Variants in ELP2 observed in about 807,000 individuals in gnomAD.
The protein encoded by ELP2 is elongator complex protein 2.
A neutral mutation model predicts 119.2 loss-of-function variants in ELP2; 90 were observed. That is an observed-to-expected ratio of 0.75 (90% CI 0.64 to 0.90). The LOEUF is 0.90. ELP2 is among the 40% of genes least tolerant of loss of function. The probability of loss-of-function intolerance (pLI) is 0.00; values close to 1 mark genes in which losing one functional copy is unlikely to be tolerated. For missense variants in ELP2, 921 were observed against 967.8 expected (o/e 0.95, Z 0.64); for synonymous variants, 339 against 331.0 (o/e 1.02, Z -0.26).
intron 11 of ELP2, among the ~76,000 whole-genome samples, chr18:36,149,543 A>C (rs1168783992): frequency 8.6e-6 from 1 of 115,794 alleles, no homozygotes. Context: ...TTGTTGTTGC[A>C]GGCCTGGTCC....
At chr18:36,137,649 G>A (rs745788635) in intron 3 of ELP2, among the ~76,000 whole-genome samples, 1 of 152,088 alleles carries the variant, frequency 6.6e-6, no homozygotes, top group Admixed American at 6.6e-5. Flanking sequence ...GATTTGATAA[G>A]CCAATGGGAT....
intron 11 of ELP2, among the ~76,000 whole-genome samples, chr18:36,152,589 C>A (rs1275104324): frequency 6.6e-6 from 1 of 152,202 alleles, no homozygotes; most frequent in Non-Finnish European, 1.5e-5. Flanking sequence ...TGGGGTGTTA[C>A]ACTTGGCATT....
At chr18:36,155,655 C>G (rs2090550304) in intron 12 of ELP2, among the ~76,000 whole-genome samples, 2 of 152,268 alleles carry the variant, frequency 1.3e-5, no homozygotes, top group Non-Finnish European at 2.9e-5. Flanking sequence ...CCTCCTGCCT[C>G]AGCCTCCCAA....
chr18:36,167,021 T>C, intron 18 of ELP2, 80 bp from the exon 19 acceptor site: 1 of 1,436,314 alleles, frequency 7.0e-7, no homozygotes. Context: ...ATGGTGTATA[T>C]GGCACTTAAA....
rs149930449 is a variant in ELP2 at position 36,157,919 on chromosome 18, G to A, written c.1465-916G>A. Among the ~76,000 whole-genome samples, 83 of 152,262 alleles carry A rather than the reference G, an allele frequency of 5.5e-4. 1 individual carries two copies. The East Asian group carries it at 0.013, about 23-fold the overall frequency. ...TCTAGGAATTGAAATGGGGTTTTACGATTCCATGAGAGGCTTAGTCCCAGT... is the reference window on the plus strand; with the variant it reads ...TCTAGGAATTGAAATGGGGTTTTACAATTCCATGAGAGGCTTAGTCCCAGT... On this transcript the variant is annotated intron_variant, in intron 13 of 21. Coordinates refer to ENST00000358232, the MANE Select transcript of ELP2 (RefSeq NM_018255.4).
intron 21 of ELP2, among the ~76,000 whole-genome samples, chr18:36,173,511 T>C (rs2091143468): frequency 6.6e-6 from 1 of 152,228 alleles, no homozygotes; most frequent in African/African-American, 2.4e-5. Flanking sequence ...CAAATCATAG[T>C]CTGCATAATA....
rs181718836 is a variant in ELP2 at position 36,157,717 on chromosome 18, G to A, written c.1464+1063G>A. ...CTAAATTTCCTGGAATGTATACTCA[G>A]CACCTCATGCTACAGGCTTTCTTGA... On this transcript the variant is annotated intron_variant, in intron 13 of 21. Coordinates refer to ENST00000358232, the MANE Select transcript of ELP2 (RefSeq NM_018255.4). Among the ~76,000 whole-genome samples the A allele has an allele frequency of 2.4e-3, 361 of 152,308 alleles. 1 individual carries two copies. Among genetic ancestry groups the A allele is most frequent in the Non-Finnish European group, 3.5e-3 (237 of 68,012 alleles).
At position 36,180,502 on chromosome 18, in the gene ELP2, G is replaced by C. The variant is rs532288057; in HGVS notation, c.*5861G>C. 2 of 152,328 alleles carry C rather than the reference G, an allele frequency of 1.3e-5. No homozygotes were observed. Among genetic ancestry groups the C allele is most frequent in the South Asian group, 4.1e-4 (2 of 4,828 alleles). The allele number at this position is 152,328 out of a possible 1,614,324, so 9.4% of individuals were successfully genotyped here. On this transcript the variant is annotated 3_prime_UTR_variant, in exon 22 of 22. Coordinates refer to ENST00000358232, the MANE Select transcript of ELP2 (RefSeq NM_018255.4). Reference sequence around the variant, plus strand: ...TCCCTGGGATATAAATAAGACAGCAGTAATTTGTATCTGGTACTATTATGA... The same window carrying C: ...TCCCTGGGATATAAATAAGACAGCACTAATTTGTATCTGGTACTATTATGA...
At position 36,159,842 on chromosome 18, in the gene ELP2, CAA is replaced by C. The variant is rs778545969; in HGVS notation, c.1630+14_1630+15del. On this transcript the variant is annotated intron_variant, in intron 15 of 21. Transcript: ENST00000358232. The stretch of plus-strand genomic sequence containing the variant: ...CTCCATACTTACTGGTAAGATGTGA[CAA>C]AGACAATTTAATAAATCGCTAGAAC... The C allele has an allele frequency of 6.8e-6, 11 of 1,611,798 alleles. No individual in the cohort carries two copies. The highest frequency in any genetic ancestry group is 1.6e-4 in the Middle Eastern group (1 of 6,076).
At chr18:36,153,343 T>G (rs2090462425) in intron 11 of ELP2, among the ~76,000 whole-genome samples, 1 of 152,166 alleles carries the variant, frequency 6.6e-6, no homozygotes, top group South Asian at 2.1e-4. Flanking sequence ...TTCCCCACCC[T>G]TTTATCCTTT....
chr18:36,145,423 T>G (rs1463446436), intron 9 of ELP2: 4 of 301,236 alleles, frequency 1.3e-5, no homozygotes, highest in African/African-American at 8.8e-5. Flanking sequence ...GTAAGACTGT[T>G]ACTCCTTCTT....
chr18:36,164,807 A>G (rs1184413470), intron 18 of ELP2, 140 bp downstream of exon 18: 5 of 779,998 alleles, frequency 6.4e-6, no homozygotes, highest in Non-Finnish European at 6.4e-6. Flanking sequence ...AAGTTCTTGG[A>G]TAACTGAGGA....
intron 21 of ELP2, 107 bp from the exon 22 acceptor site, chr18:36,174,378 G>A: frequency 9.3e-7 from 1 of 1,077,972 alleles, no homozygotes; most frequent in South Asian, 1.5e-5. Context: ...AAATGTTAAT[G>A]ATGCGATTTT....
rs1351479859 is a variant in ELP2, at chr18:36,146,237, T to G, written c.994-13T>G. ...TATTGATTAAGAATTGTTTTCTGTC[T>G]GTTATTGTACAGGTTCGAGTAGGTG... On this transcript the variant is annotated splice_polypyrimidine_tract_variant and intron_variant, in intron 10 of 21. Transcript: ENST00000358232. 1 of 1,614,114 alleles carries G rather than the reference T, an allele frequency of 6.2e-7. No individual in the cohort carries two copies. Among genetic ancestry groups the G allele is most frequent in the East Asian group, 2.2e-5 (1 of 44,870 alleles).
intron 11 of ELP2, among the ~76,000 whole-genome samples, chr18:36,153,569 C>T (rs989350374): frequency 1.1e-4 from 17 of 152,132 alleles, no homozygotes; most frequent in Middle Eastern, 3.2e-3. Flanking sequence ...AGTGTCAGAT[C>T]CCAGAGGTTG....
intron 1 of ELP2, 112 bp downstream of exon 1, chr18:36,130,183 G>A: frequency 7.1e-7 from 1 of 1,411,420 alleles, no homozygotes; most frequent in Non-Finnish European, 9.9e-7. Context: ...AGTCGGGTCG[G>A]CTCAGGGGAG....
At chr18:36,140,110 C>T (rs933494698) in intron 5 of ELP2, among the ~76,000 whole-genome samples, 4 of 151,936 alleles carry the variant, frequency 2.6e-5, no homozygotes, top group African/African-American at 9.7e-5. Flanking sequence ...TCCCAAAGTG[C>T]TGGGATCACA....
chr18:36,157,993 G>A (rs988063176), intron 13 of ELP2, among the ~76,000 whole-genome samples: 2 of 152,138 alleles, frequency 1.3e-5, no homozygotes, highest in East Asian at 1.9e-4. Context: ...GTAGAGTAGC[G>A]AGCTGCTTGC....
chr18:36,163,562 T>C (rs954637568), intron 17 of ELP2, among the ~76,000 whole-genome samples: 2 of 152,178 alleles, frequency 1.3e-5, no homozygotes, highest in African/African-American at 4.8e-5. Flanking sequence ...CTGTGTTTTG[T>C]TCTAGGAGTT....
Sources: gnomAD v4.1 joint callset for allele counts (sites outside exome capture counted in the v4.1 genomes callset) on GRCh38, gnomAD v4.1.1 for gene constraint, MANE v1.5 for transcripts, NCBI Gene and HGNC (gene_info 2026-07-23, HGNC 2026-07-21) for gene names.